MAST4: variants seen among roughly 807,000 people sequenced by gnomAD.
MAST4 encodes microtubule-associated serine/threonine-protein kinase 4.
In MAST4, 89 loss-of-function variants were observed where a neutral mutation model predicts 162.7. That is an observed-to-expected ratio of 0.55 (90% CI 0.46 to 0.65). The LOEUF (loss-of-function observed/expected upper bound fraction) is 0.65. Among genes scored for constraint, MAST4 ranks in the 30% least tolerant of loss-of-function variants. The probability of loss-of-function intolerance (pLI) is 0.00; values close to 1 mark genes in which losing one functional copy is unlikely to be tolerated. For synonymous variants in MAST4, 1,479 were observed against 1,361.1 expected, an observed-to-expected ratio of 1.09 and a Z score of -1.91; for missense variants, 3,153 against 3,374.0, an observed-to-expected ratio of 0.93 and a Z score of 1.62.
intron 1 of MAST4, among the ~76,000 whole-genome samples, chr5:66,629,918 T>C (rs554801041): frequency 1.3e-5 from 2 of 152,358 alleles, no homozygotes; most frequent in Admixed American, 6.5e-5. Flanking sequence ...AATATTTGCC[T>C]TAACTATTAA....
chr5:66,954,062 A>G (rs561595552), intron 4 of MAST4, among the ~76,000 whole-genome samples: 125 of 151,910 alleles, frequency 8.2e-4, no homozygotes, highest in African/African-American at 2.9e-3. Flanking sequence ...GGTAGGGAAG[A>G]CTCCTTAACT....
intron 1 of MAST4, among the ~76,000 whole-genome samples, chr5:66,668,421 AT>A (rs1212042464): frequency 6.6e-6 from 1 of 151,958 alleles, no homozygotes; most frequent in Non-Finnish European, 1.5e-5. Flanking sequence ...TATAGAAAGG[AT>A]TTGAAAGATC....
chr5:67,012,501 T>C (rs1393161416), intron 4 of MAST4, among the ~76,000 whole-genome samples: 1 of 152,188 alleles, frequency 6.6e-6, no homozygotes, highest in Non-Finnish European at 1.5e-5. Flanking sequence ...GACATCATGG[T>C]AACTGAGTAA....
rs1268510590 is a variant in MAST4, at chr5:67,134,672, T to C, written c.2376T>C (p.Phe792=). The C allele has an allele frequency of 3.7e-6, 6 of 1,613,118 alleles. No individual in the cohort carries two copies. Among genetic ancestry groups the C allele is most frequent in the Non-Finnish European group, 4.2e-6 (5 of 1,179,432 alleles). Residue 792 remains phenylalanine (F), a synonymous_variant, in exon 18 of 29, where the codon TTT becomes TTC. Coordinates refer to ENST00000403625, the MANE Select transcript of MAST4 (RefSeq NM_001164664.2). ...PFFGDTPEEL[F]GQVISDEINW... is the part of the protein sequence containing the mutation. Reference sequence around the variant, plus strand: ...TTGGGGATACTCCAGAGGAGCTATTTGGACAAGTCATCAGTGGTAAATATC... The same window carrying C: ...TTGGGGATACTCCAGAGGAGCTATTCGGACAAGTCATCAGTGGTAAATATC...
chr5:67,078,929 T>TAATATATATATATATA (rs1449621572), intron 5 of MAST4, among the ~76,000 whole-genome samples: 1 of 67,218 alleles, frequency 1.5e-5, no homozygotes, highest in African/African-American at 8.4e-5. Flanking sequence ...TATATATATA[T>TAATATATATATATATA]ATATATATAT....
intron 5 of MAST4, among the ~76,000 whole-genome samples, chr5:67,080,754 A>G (rs1166765358): frequency 1.3e-5 from 2 of 151,248 alleles, no homozygotes; most frequent in Non-Finnish European, 2.9e-5. Context: ...ATAATATTAC[A>G]TGGACCGTAT....
At chr5:66,751,317 A>G (rs890686147) in intron 1 of MAST4, among the ~76,000 whole-genome samples, 2 of 152,240 alleles carry the variant, frequency 1.3e-5, no homozygotes, top group African/African-American at 4.8e-5. Flanking sequence ...ACGAGCTGAG[A>G]GAAGAAGGCT....
At chr5:67,128,732 C>A (rs1768556964) in intron 14 of MAST4, among the ~76,000 whole-genome samples, 1 of 152,122 alleles carries the variant, frequency 6.6e-6, no homozygotes, top group African/African-American at 2.4e-5. Flanking sequence ...GTGTTCTGGG[C>A]CCCCTTGCAG....
intron 4 of MAST4, among the ~76,000 whole-genome samples, chr5:66,988,549 A>T (rs975472721): frequency 3.9e-5 from 6 of 152,224 alleles, no homozygotes; most frequent in Non-Finnish European, 8.8e-5. Context: ...CAACAGTCCT[A>T]TGAGGTAAGT....
chr5:66,731,246 A>G (rs1241428717), intron 1 of MAST4, among the ~76,000 whole-genome samples: 1 of 148,432 alleles, frequency 6.7e-6, no homozygotes, highest in African/African-American at 2.6e-5. Flanking sequence ...CAGCTTAGCA[A>G]TATCCAAAGA....
chr5:66,713,964 A>G (rs185065446), intron 1 of MAST4, among the ~76,000 whole-genome samples: 85 of 152,180 alleles, frequency 5.6e-4, no homozygotes, highest in South Asian at 1.7e-3. Flanking sequence ...ATATATCTCA[A>G]CTCATTTAAT....
rs1561622061 is a variant in MAST4, at chr5:67,078,917, T to TATATATA, written c.764-11244_764-11238dup. On this transcript the variant is annotated intron_variant, in intron 5 of 28. Coordinates refer to ENST00000403625, the MANE Select transcript of MAST4 (RefSeq NM_001164664.2). ...ATTTATATATTTTTATATAAATATATATATATATATATATATATATATATA... is the reference window on the plus strand; with the variant it reads ...ATTTATATATTTTTATATAAATATATATATATAATATATATATATATATATATATATA... 7.4e-4 allele frequency among the ~76,000 whole-genome samples: 41 copies of TATATATA among 55,082 alleles called. 2 individuals are homozygous for TATATATA. The highest frequency in any genetic ancestry group is 3.4e-3 in the East Asian group (6 of 1,778). The allele number at this position is 55,082 out of a possible 152,430, so 36.1% of individuals were successfully genotyped here.
At chr5:66,842,911 A>T (rs545912155) in intron 3 of MAST4, among the ~76,000 whole-genome samples, 1 of 152,284 alleles carries the variant, frequency 6.6e-6, no homozygotes, top group Non-Finnish European at 1.5e-5. Flanking sequence ...ATGTCTAGAT[A>T]AATCTTATCA....
At chr5:66,648,380 C>T (rs9918092) in intron 1 of MAST4, among the ~76,000 whole-genome samples, 2,299 of 152,028 alleles carry the variant, frequency 0.015, 57 homozygotes, top group African/African-American at 0.053. Flanking sequence ...GAGTGAAGTT[C>T]GACAGAAGCA....
Position 66,690,301 on chromosome 5 carries a change from G to A in MAST4, c.364-69408G>A, listed in dbSNP as rs151194328. Reference sequence around the variant, plus strand: ...CGCTTGTCAGGGTAAGATATTCTGCGTTGTTATTTAGTAAGTATTGTAGGA... The same window carrying A: ...CGCTTGTCAGGGTAAGATATTCTGCATTGTTATTTAGTAAGTATTGTAGGA... On this transcript the variant is annotated intron_variant, in intron 1 of 28. Transcript: ENST00000403625. Among the ~76,000 whole-genome samples the A allele has an allele frequency of 6.9e-3, 1,047 of 152,224 alleles. 14 individuals are homozygous for A. Among genetic ancestry groups the A allele is most frequent in the African/African-American group, 0.024 (1,004 of 41,546 alleles).
intron 2 of MAST4, among the ~76,000 whole-genome samples, chr5:66,778,707 G>T (rs998600299): frequency 6.6e-6 from 1 of 152,136 alleles, no homozygotes; most frequent in African/African-American, 2.4e-5. Flanking sequence ...GATTGAGGGT[G>T]AAAAGATGAC....
At chr5:67,086,607 T>C (rs756691578) in intron 5 of MAST4, among the ~76,000 whole-genome samples, 25 of 152,210 alleles carry the variant, frequency 1.6e-4, no homozygotes, top group Non-Finnish European at 2.9e-4. Flanking sequence ...CTATAAAGTG[T>C]CCTAGCACTC....
intron 5 of MAST4, among the ~76,000 whole-genome samples, chr5:67,082,147 CTTTTT>C (rs60811351): frequency 8.0e-6 from 1 of 125,784 alleles, no homozygotes; most frequent in Admixed American, 8.2e-5. Flanking sequence ...TACCTGTAAT[CTTTTT>C]TTTTTTTTTT....
chr5:66,944,857 G>A (rs188668285), intron 4 of MAST4, among the ~76,000 whole-genome samples: 38 of 152,206 alleles, frequency 2.5e-4, no homozygotes, highest in African/African-American at 8.9e-4. Flanking sequence ...GCAGTTCTCT[G>A]ATGCTTCCCC....
Sources: allele counts gnomAD v4.1 joint callset (sites outside exome capture counted in the v4.1 genomes callset), GRCh38; gene constraint gnomAD v4.1.1; transcripts MANE v1.5; gene names NCBI Gene and HGNC (gene_info 2026-07-23, HGNC 2026-07-21).